BCO1: variants seen among roughly 807,000 people sequenced by gnomAD.
BCO1 encodes the protein beta,beta-carotene 15,15'-dioxygenase.
BCO1 carries 54 observed loss-of-function variants against 56.3 expected under a neutral mutation model. That is an observed-to-expected ratio of 0.96 (90% CI 0.77 to 1.20). BCO1 has a LOEUF of 1.20. Ranked by LOEUF, BCO1 falls within the 50% of genes most tolerant of loss-of-function variation. The pLI, the probability that BCO1 is intolerant of heterozygous loss-of-function variation, is 0.00. For synonymous variants in BCO1, 318 were observed against 266.1 expected (o/e 1.20, Z -1.90); for missense variants, 801 against 690.9 (o/e 1.16, Z -1.79).
chr16:81,276,807 G>A (rs962381283), intron 7 of BCO1, among the ~76,000 whole-genome samples: 6 of 151,506 alleles, frequency 4.0e-5, no homozygotes, highest in South Asian at 4.2e-4. Flanking sequence ...TGGCTCACGC[G>A]TGTAAACCCA....
chr16:81,248,341 T>G (rs552250891), intron 2 of BCO1, among the ~76,000 whole-genome samples: 2 of 141,120 alleles, frequency 1.4e-5, no homozygotes, highest in East Asian at 4.1e-4. Flanking sequence ...AGGCAGCGGT[T>G]GCAGTGAGCT....
intron 4 of BCO1, 129 bp from the exon 5 acceptor site, chr16:81,264,511 T>C: frequency 1.7e-6 from 2 of 1,162,272 alleles, no homozygotes; most frequent in Non-Finnish European, 2.6e-6. Flanking sequence ...CCCTCATCTC[T>C]CTGAACCTAG....
chr16:81,274,424 T>C (rs1024325908), intron 7 of BCO1, among the ~76,000 whole-genome samples: 1 of 151,972 alleles, frequency 6.6e-6, no homozygotes, highest in Non-Finnish European at 1.5e-5. Context: ...CCACTACACC[T>C]GGCTTATTGT....
chr16:81,243,438 C>T (rs1347773493), intron 1 of BCO1, among the ~76,000 whole-genome samples: 1 of 149,450 alleles, frequency 6.7e-6, no homozygotes, highest in Non-Finnish European at 1.5e-5. Context: ...AACAGCTTGC[C>T]CGTCTCCTGG....
At position 81,269,065 on chromosome 16, in the gene BCO1, CTTTTTTTTTTT is replaced by C. The variant is rs71146003; in HGVS notation, c.843+947_843+957del. ...ACATGTGTGAGCCATTGCACCTGGT[CTTTTTTTTTTT>C]TTTTTTTTTTTTGCGTTGTCACTTC... On this transcript the variant is annotated intron_variant, in intron 6 of 10. Transcript: ENST00000258168. 9.6e-5 allele frequency among the ~76,000 whole-genome samples: 8 copies of C among 83,070 alleles called. 1 individual carries two copies. The highest frequency in any genetic ancestry group is 4.5e-4 in the African/African-American group (8 of 17,848). The allele number at this position is 83,070 out of a possible 152,430, so 54.5% of individuals were successfully genotyped here. A position where few individuals can be genotyped will look rare whatever the true frequency, so the allele number is the denominator to read the frequency against.
intron 2 of BCO1, among the ~76,000 whole-genome samples, chr16:81,258,059 A>G (rs1906256941): frequency 6.6e-6 from 1 of 152,098 alleles, no homozygotes; most frequent in Admixed American, 6.6e-5. Context: ...TGACGCAGCC[A>G]TGACCAGGGA....
intron 2 of BCO1, among the ~76,000 whole-genome samples, chr16:81,250,891 G>A (rs1905754307): frequency 6.6e-6 from 1 of 152,102 alleles, no homozygotes; most frequent in Admixed American, 6.6e-5. Context: ...ATTCAGTAAA[G>A]CTTTGAATCC....
intron 8 of BCO1, 89 bp downstream of exon 8, chr16:81,281,051 G>A: frequency 1.1e-6 from 1 of 949,748 alleles, no homozygotes; most frequent in Admixed American, 2.0e-5. Flanking sequence ...ATTCCCTCCT[G>A]TGCATGGACA....
chr16:81,256,696 C>T (rs1184408571), intron 2 of BCO1, among the ~76,000 whole-genome samples: 4 of 151,958 alleles, frequency 2.6e-5, no homozygotes, highest in African/African-American at 9.7e-5. Flanking sequence ...GAGACCAGCC[C>T]GGCCAACAGA....
chr16:81,251,883 T>C (rs1463893703), intron 2 of BCO1, among the ~76,000 whole-genome samples: 2 of 150,742 alleles, frequency 1.3e-5, no homozygotes, highest in East Asian at 3.9e-4. Flanking sequence ...TATGTGTGTG[T>C]GTGTGTGTAT....
chr16:81,239,396 G>A (rs1349629982), intron 1 of BCO1, among the ~76,000 whole-genome samples: 1 of 152,070 alleles, frequency 6.6e-6, no homozygotes, highest in Non-Finnish European at 1.5e-5. Flanking sequence ...TGGAAAGTCT[G>A]GAAAACAGTA....
intron 5 of BCO1, 64 bp from the exon 6 acceptor site, chr16:81,267,844 G>C (rs984648698): frequency 5.1e-6 from 7 of 1,368,310 alleles, no homozygotes; most frequent in Admixed American, 1.7e-5. Context: ...GGTGATGGTG[G>C]TGTGGTCTTG....
intron 3 of BCO1, among the ~76,000 whole-genome samples, chr16:81,260,881 G>A (rs559959273): frequency 7.9e-5 from 12 of 152,224 alleles, no homozygotes; most frequent in African/African-American, 2.4e-5. Flanking sequence ...TAAATTCTTG[G>A]CCAGGGAATC....
chr16:81,281,174 G>A lies in BCO1; in HGVS notation c.1207+212G>A, dbSNP rs149585929. On this transcript the variant is annotated intron_variant, in intron 8 of 10. Coordinates refer to ENST00000258168, the MANE Select transcript of BCO1 (RefSeq NM_017429.3). The stretch of plus-strand genomic sequence containing the variant: ...GAAGGCAATGGGTGAGGCCAGGCAC[G>A]GTGGCTCCCACCTGTAGTCTCAGCA... Among the ~76,000 whole-genome samples, 343 of 152,246 alleles carry A rather than the reference G, an allele frequency of 2.3e-3. 1 individual carries two copies. Among genetic ancestry groups the A allele is most frequent in the Middle Eastern group, 0.01 (3 of 294 alleles).
At chr16:81,253,530 T>C (rs1905939647) in intron 2 of BCO1, among the ~76,000 whole-genome samples, 1 of 152,210 alleles carries the variant, frequency 6.6e-6, no homozygotes, top group Admixed American at 6.5e-5. Context: ...TGTTATATTT[T>C]CACTCCTGGC....
chr16:81,246,868 A>AAAAAAAAAAAAAAC (rs1905455126), intron 2 of BCO1, among the ~76,000 whole-genome samples: 1 of 150,422 alleles, frequency 6.6e-6, no homozygotes, highest in East Asian at 1.9e-4. Flanking sequence ...AAAAAAAAAA[A>AAAAAAAAAAAAAAC]GAAGAGTACA....
chr16:81,288,609 G>A (rs1292645315), intron 10 of BCO1, among the ~76,000 whole-genome samples: 1 of 152,174 alleles, frequency 6.6e-6, no homozygotes, highest in Non-Finnish European at 1.5e-5. Flanking sequence ...GCATGTAAAT[G>A]TTTCACAGAG....
chr16:81,248,156 C>G lies in BCO1; in HGVS notation c.193+2553C>G, dbSNP rs942377075. On this transcript the variant is annotated intron_variant, in intron 2 of 10. Coordinates refer to ENST00000258168, the MANE Select transcript of BCO1 (RefSeq NM_017429.3). The stretch of plus-strand genomic sequence containing the variant: ...ATGGCTCACACCTGTATTCCCAGCA[C>G]TTTGGGAGGCCGAGGCGGGTGGATC... 2.6e-5 allele frequency among the ~76,000 whole-genome samples: 4 copies of G among 152,070 alleles called. No individual in the cohort carries two copies. The South Asian group carries it at 8.3e-4, about 32-fold the overall frequency.
At chr16:81,270,832 C>T (rs887195030) in intron 7 of BCO1, among the ~76,000 whole-genome samples, 5 of 151,952 alleles carry the variant, frequency 3.3e-5, no homozygotes, top group Admixed American at 1.3e-4. Context: ...GCAAGCTCCA[C>T]CTCCCAGGCT....
Sources: allele counts gnomAD v4.1 joint callset (sites outside exome capture counted in the v4.1 genomes callset), GRCh38; gene constraint gnomAD v4.1.1; transcripts MANE v1.5; gene names NCBI Gene and HGNC (gene_info 2026-07-23, HGNC 2026-07-21).